CAST: variants seen among roughly 807,000 people sequenced by gnomAD.
CAST encodes calpastatin.
Under a neutral mutation model 119.6 loss-of-function variants are expected in CAST, and 76 were observed. The ratio of observed to expected loss-of-function variants is 0.64; its 90% CI spans 0.53 to 0.77. The LOEUF is 0.77. CAST is among the 30% of genes least tolerant of loss of function. The pLI, the probability that CAST is intolerant of heterozygous loss-of-function variation, is 0.00. For synonymous variants in CAST, 319 were observed against 331.6 expected, an observed-to-expected ratio of 0.96 and a Z score of 0.41; for missense variants, 953 against 946.5, an observed-to-expected ratio of 1.01 and a Z score of -0.09.
At chr5:96,067,919 T>C in the CAST span, among the ~76,000 whole-genome samples, 1 of 150,912 alleles carries the variant, frequency 6.6e-6, no homozygotes, top group Non-Finnish European at 1.5e-5. Context: ...TTGCACAGAC[T>C]AGAGAGTGAA....
the CAST span, among the ~76,000 whole-genome samples, chr5:96,048,162 C>T: frequency 6.6e-6 from 1 of 152,170 alleles, no homozygotes; most frequent in Non-Finnish European, 1.5e-5. Context: ...AAAGTGAAGA[C>T]ACTGAAGAGT....
At chr5:95,978,758 A>G in the CAST span, among the ~76,000 whole-genome samples, 441 of 152,330 alleles carry the variant, frequency 2.9e-3, 5 homozygotes, top group African/African-American at 0.01. Flanking sequence ...GTTCTACAGT[A>G]TTATATGGAA....
chr5:96,212,474 G>T, the CAST span, among the ~76,000 whole-genome samples: 3 of 152,066 alleles, frequency 2.0e-5, no homozygotes, highest in African/African-American at 4.8e-5. Context: ...CTTTAAATTT[G>T]TTGAGGTTTG....
chr5:96,193,118 A>G, the CAST span, among the ~76,000 whole-genome samples: 10 of 152,328 alleles, frequency 6.6e-5, no homozygotes, highest in East Asian at 1.9e-3. Flanking sequence ...TTTATTGTCA[A>G]TATAGTTTAA....
the CAST span, among the ~76,000 whole-genome samples, chr5:96,179,614 C>T: frequency 6.6e-5 from 10 of 152,138 alleles, no homozygotes; most frequent in South Asian, 2.1e-4. Context: ...ACAGAGAAGG[C>T]GGAGTTGTGC....
chr5:96,270,579 C>T, the CAST span, among the ~76,000 whole-genome samples: 4 of 152,092 alleles, frequency 2.6e-5, no homozygotes, highest in African/African-American at 9.7e-5. Context: ...AGTTGGAAGC[C>T]GTTATCCTCA....
chr5:96,539,852 A>G (rs1230904181), intron 1 of CAST, among the ~76,000 whole-genome samples: 3 of 152,156 alleles, frequency 2.0e-5, no homozygotes, highest in African/African-American at 7.2e-5. Flanking sequence ...GACTACTGAG[A>G]TGGTTGGGTT....
chr5:96,259,339 A>G, the CAST span, among the ~76,000 whole-genome samples: 1 of 152,200 alleles, frequency 6.6e-6, no homozygotes, highest in Non-Finnish European at 1.5e-5. Context: ...CACAGGAAGG[A>G]TTGGCAGGGA....
At chr5:96,068,409 C>T in the CAST span, among the ~76,000 whole-genome samples, 1 of 151,982 alleles carries the variant, frequency 6.6e-6, no homozygotes, top group Non-Finnish European at 1.5e-5. Context: ...AGAACTTTAC[C>T]CTGACTCCTG....
At chr5:96,577,091 T>A (rs1371923363) in intron 1 of CAST, among the ~76,000 whole-genome samples, 1 of 152,218 alleles carries the variant, frequency 6.6e-6, no homozygotes, top group Non-Finnish European at 1.5e-5. Flanking sequence ...GGTTTGGTTT[T>A]CTGTTTCTGC....
At chr5:96,478,722 A>T in the CAST span, among the ~76,000 whole-genome samples, 1 of 152,214 alleles carries the variant, frequency 6.6e-6, no homozygotes, top group Non-Finnish European at 1.5e-5. Flanking sequence ...CTTTTACCTA[A>T]TGAGAAGTAT....
chr5:96,210,422 C>T, the CAST span, among the ~76,000 whole-genome samples: 1 of 152,050 alleles, frequency 6.6e-6, no homozygotes, highest in African/African-American at 2.4e-5. Flanking sequence ...TGCAATTGCT[C>T]CAGTGCCATA....
At chr5:96,423,931 T>C in the CAST span, among the ~76,000 whole-genome samples, 1 of 152,208 alleles carries the variant, frequency 6.6e-6, no homozygotes, top group Non-Finnish European at 1.5e-5. Context: ...AAGCAGAACC[T>C]GGAATGCTCA....
intron 24 of CAST, chr5:96,760,737 AC>A (rs1312134647): frequency 6.6e-6 from 1 of 151,994 alleles, no homozygotes; most frequent in Admixed American, 6.6e-5. Context: ...AAAAATAAGG[AC>A]ACAAAAAAAT....
the CAST span, among the ~76,000 whole-genome samples, chr5:96,134,876 A>C: frequency 1.3e-5 from 2 of 152,216 alleles, no homozygotes; most frequent in Admixed American, 1.3e-4. Context: ...GGAAATAAAG[A>C]AAGCCTGTGG....
At chr5:95,967,418 AAATAAAT>A in the CAST span, among the ~76,000 whole-genome samples, 11 of 2,954 alleles carry the variant, frequency 3.7e-3, no homozygotes, top group East Asian at 0.029. Flanking sequence ...CCCTATCTTT[AAATAAAT>A]AAATAAATAA....
chr5:96,375,436 G>GTGT, the CAST span, among the ~76,000 whole-genome samples: 48 of 125,332 alleles, frequency 3.8e-4, no homozygotes, highest in African/African-American at 1.0e-3. Flanking sequence ...GTGTGTGTGT[G>GTGT]TTTTTTTTAC....
chr5:96,417,719 T>G, the CAST span, among the ~76,000 whole-genome samples: 2 of 152,198 alleles, frequency 1.3e-5, no homozygotes, highest in African/African-American at 4.8e-5. Context: ...TAAAATCCCT[T>G]TGTTACTTAA....
the CAST span, among the ~76,000 whole-genome samples, chr5:96,488,708 T>C: frequency 7.2e-5 from 11 of 152,150 alleles, no homozygotes; most frequent in Admixed American, 6.5e-4. Context: ...GCACCACGAG[T>C]AAGTGGTAAT....
Sources: allele counts gnomAD v4.1 joint callset (sites outside exome capture counted in the v4.1 genomes callset), GRCh38; gene constraint gnomAD v4.1.1; transcripts MANE v1.5; gene names NCBI Gene and HGNC (gene_info 2026-07-23, HGNC 2026-07-21).